Variants in LRRC7 observed in about 807,000 individuals in gnomAD.
The protein encoded by LRRC7 is leucine-rich repeat-containing protein 7.
In LRRC7, 23 loss-of-function variants were observed where a neutral mutation model predicts 175.7. That is an observed-to-expected ratio of 0.13 (90% CI 0.09 to 0.19). The LOEUF (loss-of-function observed/expected upper bound fraction) is 0.19. LRRC7 is among the 10% of genes least tolerant of loss of function. The probability of loss-of-function intolerance (pLI) is 1.00; values close to 1 mark genes in which losing one functional copy is unlikely to be tolerated. For missense variants in LRRC7, 1,354 were observed against 1,904.7 expected (o/e 0.71, Z 5.38); for synonymous variants, 685 against 680.9 (o/e 1.01, Z -0.09).
chr1:69,875,732 A>G (rs551106797), intron 7 of LRRC7, among the ~76,000 whole-genome samples: 1 of 152,208 alleles, frequency 6.6e-6, no homozygotes, highest in Non-Finnish European at 1.5e-5. Flanking sequence ...AACAGGTAAA[A>G]TGATAATAAG....
intron 5 of LRRC7, 128 bp from the exon 6 acceptor site, chr1:69,834,652 C>A (rs968380291): frequency 2.6e-6 from 2 of 775,604 alleles, no homozygotes; most frequent in African/African-American, 3.6e-5. Flanking sequence ...TCTTTCATTA[C>A]TGTAATACCA....
intron 10 of LRRC7, among the ~76,000 whole-genome samples, chr1:69,994,229 G>A (rs934057292): frequency 1.3e-5 from 2 of 152,110 alleles, no homozygotes; most frequent in Admixed American, 6.6e-5. Flanking sequence ...ATCACAGCTG[G>A]CTTGAAAAAT....
intron 1 of LRRC7, among the ~76,000 whole-genome samples, chr1:69,601,410 A>T (rs1020935593): frequency 1.3e-5 from 2 of 152,184 alleles, no homozygotes; most frequent in African/African-American, 4.8e-5. Flanking sequence ...CAACAGTAAG[A>T]AAACTGGTTT....
chr1:69,722,804 T>C (rs1666505775), intron 2 of LRRC7, among the ~76,000 whole-genome samples: 1 of 152,092 alleles, frequency 6.6e-6, no homozygotes, highest in Non-Finnish European at 1.5e-5. Flanking sequence ...TGTTGGTTTT[T>C]TCTTATCGCT....
intron 7 of LRRC7, among the ~76,000 whole-genome samples, chr1:69,912,619 T>C (rs1646566562): frequency 6.6e-6 from 1 of 152,168 alleles, no homozygotes; most frequent in Non-Finnish European, 1.5e-5. Context: ...AGCTCAAAAG[T>C]TCTATCAAGC....
chr1:69,851,357 T>C (rs766674903), intron 7 of LRRC7, among the ~76,000 whole-genome samples: 14 of 152,112 alleles, frequency 9.2e-5, no homozygotes, highest in Non-Finnish European at 1.3e-4. Flanking sequence ...CATTGCATCA[T>C]GAAAAGGACT....
chr1:69,830,201 A>G (rs933520236), intron 5 of LRRC7, among the ~76,000 whole-genome samples: 2 of 151,864 alleles, frequency 1.3e-5, no homozygotes, highest in Admixed American at 1.3e-4. Context: ...TCAAAAATTT[A>G]AAACATTCTT....
Position 70,134,095 on chromosome 1 carries a change from A to C in LRRC7, c.*12208A>C, listed in dbSNP as rs1274183679. On this transcript the variant is annotated 3_prime_UTR_variant, in exon 27 of 27. Coordinates refer to ENST00000651989, the MANE Select transcript of LRRC7 (RefSeq NM_001370785.2). ...AAACGCCTAATTTTTCATTTTATTTATGTGTATGAGTAATCAGCATAATAT... is the reference window on the plus strand; with the variant it reads ...AAACGCCTAATTTTTCATTTTATTTCTGTGTATGAGTAATCAGCATAATAT... Among the ~76,000 whole-genome samples, 1 of 152,192 alleles carries C rather than the reference A, an allele frequency of 6.6e-6. No individual in the cohort carries two copies. The highest frequency in any genetic ancestry group is 6.5e-5 in the Admixed American group (1 of 15,274).
At chr1:69,941,244 G>A (rs1490013710) in intron 8 of LRRC7, among the ~76,000 whole-genome samples, 1 of 152,032 alleles carries the variant, frequency 6.6e-6, no homozygotes, top group Non-Finnish European at 1.5e-5. Flanking sequence ...TAAGGATTTA[G>A]GATTTTATTC....
At chr1:69,857,710 C>T (rs374475840) in intron 7 of LRRC7, among the ~76,000 whole-genome samples, 1 of 152,058 alleles carries the variant, frequency 6.6e-6, no homozygotes, top group African/African-American at 2.4e-5. Context: ...GATTCAATGC[C>T]ATCCCCATCA....
At chr1:69,950,239 G>A (rs1261252461) in intron 8 of LRRC7, among the ~76,000 whole-genome samples, 2 of 152,086 alleles carry the variant, frequency 1.3e-5, no homozygotes, top group Non-Finnish European at 2.9e-5. Context: ...ATGGATGGAT[G>A]GATGGATAGA....
Position 69,777,489 on chromosome 1 carries a change from A to G in LRRC7, c.304-14554A>G, listed in dbSNP as rs547412147. ...TCATATTCTCAGTGCCACAGTGAAG[A>G]CTCACAAAGCTACGATGCCAGCTCA... On this transcript the variant is annotated intron_variant, in intron 3 of 26. Transcript: ENST00000651989. 7.9e-5 allele frequency among the ~76,000 whole-genome samples: 12 copies of G among 152,218 alleles called. 1 individual carries two copies. The highest frequency in any genetic ancestry group is 2.6e-4 in the African/African-American group (11 of 41,540).
At chr1:69,772,076 G>A (rs185127465) in intron 3 of LRRC7, among the ~76,000 whole-genome samples, 94 of 152,082 alleles carry the variant, frequency 6.2e-4, no homozygotes, top group African/African-American at 2.2e-3. Flanking sequence ...AGCTGAAATC[G>A]CGCCACTGCA....
intron 7 of LRRC7, among the ~76,000 whole-genome samples, chr1:69,918,419 TCTTA>T (rs1646783447): frequency 6.6e-6 from 1 of 152,220 alleles, no homozygotes; most frequent in South Asian, 2.1e-4. Flanking sequence ...TCTGAGAAAA[TCTTA>T]CTTGTTTGTA....
At chr1:69,725,328 T>C (rs2100796143) in intron 2 of LRRC7, among the ~76,000 whole-genome samples, 1 of 152,224 alleles carries the variant, frequency 6.6e-6, no homozygotes, top group South Asian at 2.1e-4. Flanking sequence ...CACGTTTAAG[T>C]GGGCCCGTAC....
intron 1 of LRRC7, among the ~76,000 whole-genome samples, chr1:69,666,389 A>G (rs1658275130): frequency 6.6e-6 from 1 of 152,034 alleles, no homozygotes; most frequent in Non-Finnish European, 1.5e-5. Context: ...TTTGAGTAGA[A>G]TTGGTATTAT....
intron 1 of LRRC7, among the ~76,000 whole-genome samples, chr1:69,621,409 G>A (rs1045171469): frequency 2.0e-5 from 3 of 152,068 alleles, no homozygotes; most frequent in Non-Finnish European, 4.4e-5. Context: ...TTGATCTTCT[G>A]TCAGATTCTA....
At chr1:69,692,704 C>G (rs536312358) in intron 2 of LRRC7, among the ~76,000 whole-genome samples, 2 of 152,284 alleles carry the variant, frequency 1.3e-5, no homozygotes, top group East Asian at 3.9e-4. Context: ...TTAATGTCAG[C>G]TGTATGGCTC....
chr1:69,598,899 T>C (rs1248215749), intron 1 of LRRC7, among the ~76,000 whole-genome samples: 1 of 152,232 alleles, frequency 6.6e-6, no homozygotes, highest in Non-Finnish European at 1.5e-5. Flanking sequence ...TTGAAGCTCT[T>C]ACGTTCTTTA....
Sources: gnomAD v4.1 joint callset for allele counts (sites outside exome capture counted in the v4.1 genomes callset) on GRCh38, gnomAD v4.1.1 for gene constraint, MANE v1.5 for transcripts, NCBI Gene and HGNC (gene_info 2026-07-23, HGNC 2026-07-21) for gene names.